GPR158: variants seen among roughly 807,000 people sequenced by gnomAD.
The protein encoded by GPR158 is metabotropic glycine receptor.
Under a neutral mutation model 78.2 loss-of-function variants are expected in GPR158, and 30 were observed. The observed-to-expected ratio is 0.38, with a 90% confidence interval of 0.29 to 0.52. The LOEUF is 0.52. Ranked by LOEUF, GPR158 falls within the 20% of genes least tolerant of loss-of-function variation. GPR158 has a pLI of 0.83. For missense variants in GPR158, 1,463 were observed against 1,523.5 expected (o/e 0.96, Z 0.66); for synonymous variants, 581 against 591.1 (o/e 0.98, Z 0.25).
chr10:25,222,478 C>G (rs1853312539), intron 2 of GPR158, among the ~76,000 whole-genome samples: 1 of 152,066 alleles, frequency 6.6e-6, no homozygotes, highest in Admixed American at 6.6e-5. Flanking sequence ...TACACCTCCA[C>G]AGAGACTGCC....
At chr10:25,448,083 C>CTTT (rs35421884) in intron 4 of GPR158, among the ~76,000 whole-genome samples, 6,496 of 118,032 alleles carry the variant, frequency 0.055, 363 homozygotes, top group African/African-American at 0.15. Flanking sequence ...TGTCTGACTT[C>CTTT]TTTTTTTTTT....
intron 4 of GPR158, among the ~76,000 whole-genome samples, chr10:25,457,066 G>A (rs1432507293): frequency 3.3e-5 from 5 of 151,468 alleles, no homozygotes; most frequent in Admixed American, 1.3e-4. Flanking sequence ...TCAGCTTCCC[G>A]GGTTCAAGCA....
At chr10:25,523,845 A>T (rs185232952) in intron 5 of GPR158, among the ~76,000 whole-genome samples, 63 of 152,290 alleles carry the variant, frequency 4.1e-4, no homozygotes, top group African/African-American at 1.5e-3. Context: ...GAAAATGAAG[A>T]AGAAGAAAAA....
At chr10:25,588,898 C>G in intron 7 of GPR158, 109 bp from the exon 8 acceptor site, 1 of 579,196 alleles carries the variant, frequency 1.7e-6, no homozygotes, top group East Asian at 2.8e-5. Flanking sequence ...ACTTTCTAAC[C>G]CATCTATTTA....
At chr10:25,574,613 G>C (rs750526043) in intron 7 of GPR158, among the ~76,000 whole-genome samples, 1 of 152,130 alleles carries the variant, frequency 6.6e-6, no homozygotes, top group East Asian at 1.9e-4. Context: ...AGGTCTGGGC[G>C]TGGTGACTCA....
At chr10:25,396,393 C>T (rs1348930673) in intron 3 of GPR158, among the ~76,000 whole-genome samples, 2 of 152,072 alleles carry the variant, frequency 1.3e-5, no homozygotes, top group African/African-American at 4.8e-5. Context: ...TAAAAAGTTA[C>T]CATAAAGTGA....
At chr10:25,458,210 G>A (rs1410853285) in intron 4 of GPR158, among the ~76,000 whole-genome samples, 1 of 152,014 alleles carries the variant, frequency 6.6e-6, no homozygotes, top group Non-Finnish European at 1.5e-5. Context: ...TGAAGTCTTA[G>A]AAGTTAGAAA....
At chr10:25,200,794 T>C (rs1048347589) in intron 1 of GPR158, among the ~76,000 whole-genome samples, 8 of 151,988 alleles carry the variant, frequency 5.3e-5, no homozygotes, top group African/African-American at 1.9e-4. Context: ...AAAGATCAGA[T>C]GGTTGTAGGT....
At chr10:25,486,681 T>C (rs1016757800) in intron 5 of GPR158, among the ~76,000 whole-genome samples, 5 of 152,156 alleles carry the variant, frequency 3.3e-5, no homozygotes, top group African/African-American at 4.8e-5. Context: ...TCCGGAAGGA[T>C]GCTGATGCTG....
At chr10:25,563,812 A>G (rs1388798458) in intron 6 of GPR158, among the ~76,000 whole-genome samples, 1 of 152,072 alleles carries the variant, frequency 6.6e-6, no homozygotes, top group African/African-American at 2.4e-5. Flanking sequence ...ATGCATCTGT[A>G]TTTTATCAGA....
chr10:25,432,860 A>C lies in GPR158; in HGVS notation c.1335+20387A>C, dbSNP rs535129973. On this transcript the variant is annotated intron_variant, in intron 4 of 10. Transcript: ENST00000376351. ...TGAGTGTCTGATAATGAACAGGACAAACAAGAACTGTACCCTTAAGGAGTT... is the reference window on the plus strand; with the variant it reads ...TGAGTGTCTGATAATGAACAGGACACACAAGAACTGTACCCTTAAGGAGTT... Among the ~76,000 whole-genome samples, 6 of 152,296 alleles carry C rather than the reference A, an allele frequency of 3.9e-5. No homozygotes were observed. In the East Asian group the frequency reaches 1.2e-3, roughly 29 times the overall value.
At chr10:25,344,564 T>A (rs903760360) in intron 2 of GPR158, among the ~76,000 whole-genome samples, 4 of 152,106 alleles carry the variant, frequency 2.6e-5, no homozygotes, top group Admixed American at 1.3e-4. Flanking sequence ...GCTAATTCAT[T>A]CATGGATAAA....
intron 5 of GPR158, among the ~76,000 whole-genome samples, chr10:25,511,452 G>A (rs1339729001): frequency 6.6e-6 from 1 of 152,124 alleles, no homozygotes; most frequent in Admixed American, 6.5e-5. Context: ...TCCTTTGTCA[G>A]ATGTATAGAT....
chr10:25,227,085 T>C (rs1157951215), intron 2 of GPR158, among the ~76,000 whole-genome samples: 1 of 152,220 alleles, frequency 6.6e-6, no homozygotes, highest in African/African-American at 2.4e-5. Context: ...AAACCGATGG[T>C]ATTTTTTTGA....
At chr10:25,328,916 A>G (rs1274357154) in intron 2 of GPR158, among the ~76,000 whole-genome samples, 4 of 121,578 alleles carry the variant, frequency 3.3e-5, no homozygotes, top group Non-Finnish European at 5.2e-5. Flanking sequence ...AACAAGAGCG[A>G]AACTTCATCA....
At chr10:25,423,063 G>A (rs979190045) in intron 4 of GPR158, among the ~76,000 whole-genome samples, 1 of 150,734 alleles carries the variant, frequency 6.6e-6, no homozygotes, top group Non-Finnish European at 1.5e-5. Flanking sequence ...GTATTCCACG[G>A]TATGTCTGTG....
chr10:25,551,026 A>G lies in GPR158; in HGVS notation c.1455A>G (p.Arg485=), dbSNP rs1836718971. The G allele has an allele frequency of 4.3e-6, 7 of 1,611,534 alleles. No individual in the cohort carries two copies. Among genetic ancestry groups the G allele is most frequent in the Non-Finnish European group, 5.1e-6 (6 of 1,177,874 alleles). The change falls in exon 6 of 11, where the codon AGA becomes AGG. Residue 485 remains arginine (R), a synonymous_variant. Coordinates refer to ENST00000376351, the MANE Select transcript of GPR158 (RefSeq NM_020752.3). ...EPSTFRCILL[R]WARLLGFATV... ...GCACATTTCGCTGTATTCTCCTAAG[A>G]TGGGCTCGTCTTCTCGGTTTTGCTA...
chr10:25,365,683 T>A (rs1855711155), intron 2 of GPR158, among the ~76,000 whole-genome samples: 1 of 151,596 alleles, frequency 6.6e-6, no homozygotes, highest in Admixed American at 6.6e-5. Context: ...CTTTGACAGG[T>A]GAAGGAGAAA....
In GPR158 at chr10:25,564,582, A is replaced by G. The variant is rs1000496854; in HGVS notation, c.1515-8067A>G. ...CTTTGAGTCAGTCTTTCAGGGATCC[A>G]CCAACCAGGCCAAAATAAACAGCAG... On this transcript the variant is annotated intron_variant, in intron 6 of 10. Coordinates refer to ENST00000376351, the MANE Select transcript of GPR158 (RefSeq NM_020752.3). Among the ~76,000 whole-genome samples, 5 of 152,294 alleles carry G rather than the reference A, an allele frequency of 3.3e-5. No individual in the cohort carries two copies. In the East Asian group the frequency reaches 9.6e-4, roughly 29 times the overall value.
Sources: allele counts gnomAD v4.1 joint callset (sites outside exome capture counted in the v4.1 genomes callset), GRCh38; gene constraint gnomAD v4.1.1; transcripts MANE v1.5; gene names NCBI Gene and HGNC (gene_info 2026-07-23, HGNC 2026-07-21).